COL9A1: variants seen among roughly 807,000 people sequenced by gnomAD.
COL9A1 encodes collagen type IX alpha 1 chain, also known as collagen alpha-1(IX) chain.
COL9A1 carries 104 observed loss-of-function variants against 142.6 expected under a neutral mutation model. The ratio of observed to expected loss-of-function variants is 0.73; its 90% CI spans 0.62 to 0.86. The LOEUF (loss-of-function observed/expected upper bound fraction) is 0.86, where lower values mean the gene tolerates loss of function less well. COL9A1 is among the 40% of genes least tolerant of loss of function. COL9A1 has a pLI of 0.00. For synonymous variants in COL9A1, 466 were observed against 396.0 expected, an observed-to-expected ratio of 1.18 and a Z score of -2.10; for missense variants, 1,210 against 1,176.6, an observed-to-expected ratio of 1.03 and a Z score of -0.42.
intron 2 of COL9A1, among the ~76,000 whole-genome samples, chr6:70,301,106 A>G (rs965303963): frequency 6.6e-6 from 1 of 152,214 alleles, no homozygotes; most frequent in African/African-American, 2.4e-5. Flanking sequence ...TTAAATCCTC[A>G]ATTTGATAAG....
chr6:70,239,363 T>C (rs1475441916), intron 32 of COL9A1, 77 bp from the exon 33 acceptor site: 5 of 1,014,584 alleles, frequency 4.9e-6, no homozygotes, highest in African/African-American at 1.6e-5. Context: ...TTAAAAGTTA[T>C]TGTGCTACTA....
chr6:70,251,093 C>G (rs1770907271), intron 28 of COL9A1, among the ~76,000 whole-genome samples: 2 of 152,170 alleles, frequency 1.3e-5, no homozygotes, highest in Admixed American at 1.3e-4. Flanking sequence ...ATGTCCATCA[C>G]CCAATGCATG....
intron 10 of COL9A1, among the ~76,000 whole-genome samples, chr6:70,277,404 A>G (rs965030144): frequency 6.6e-5 from 10 of 152,142 alleles, no homozygotes; most frequent in Non-Finnish European, 1.0e-4. Flanking sequence ...TATACAGACC[A>G]CACACATAAT....
intron 36 of COL9A1, among the ~76,000 whole-genome samples, chr6:70,228,297 T>G (rs1486568764): frequency 6.6e-6 from 1 of 152,084 alleles, no homozygotes; most frequent in Non-Finnish European, 1.5e-5. Context: ...TTGCATTAAT[T>G]ATCCCAGCCC....
rs562846077 is a variant in COL9A1, at chr6:70,279,025, T to C, written c.975+1787A>G. The stretch of plus-strand genomic sequence containing the variant: ...GCAAGACAAGGATTCAGATGACCCA[T>C]TTACGCTTCAAATACCAAAATAAAT... On this transcript the variant is annotated intron_variant, in intron 10 of 37. Coordinates refer to ENST00000357250, the MANE Select transcript of COL9A1 (RefSeq NM_001851.6). Among the ~76,000 whole-genome samples, 18 of 152,324 alleles carry C rather than the reference T, an allele frequency of 1.2e-4. No homozygotes were observed. In the South Asian group the frequency reaches 3.3e-3, roughly 28 times the overall value.
In COL9A1 at chr6:70,282,795, C is replaced by T; in HGVS notation, c.801+103G>A. Reference sequence around the variant, plus strand: ...TGGAGGAAGCGCGGGTCTGAGAGCCCTGGGGATGCTCCGCGCCTTTCTCAC... The same window carrying T: ...TGGAGGAAGCGCGGGTCTGAGAGCCTTGGGGATGCTCCGCGCCTTTCTCAC... On this transcript the variant is annotated intron_variant, in intron 7 of 37. Transcript: ENST00000357250. 4.5e-6 allele frequency: 7 copies of T among 1,564,102 alleles called. No homozygotes were observed. In the South Asian group the frequency reaches 7.9e-5, roughly 18 times the overall value.
chr6:70,272,965 G>T (rs1772505092), intron 12 of COL9A1, among the ~76,000 whole-genome samples: 1 of 152,030 alleles, frequency 6.6e-6, no homozygotes, highest in Non-Finnish European at 1.5e-5. Flanking sequence ...GGTTAGAATG[G>T]TTTTTATTCA....
At chr6:70,232,446 C>G in intron 36 of COL9A1, 137 bp downstream of exon 36, 1 of 1,021,410 alleles carries the variant, frequency 9.8e-7, no homozygotes, top group Non-Finnish European at 1.5e-6. Context: ...TTCACCGTCA[C>G]TATTGAAAAG....
intron 28 of COL9A1, among the ~76,000 whole-genome samples, chr6:70,248,675 G>A (rs1205494674): frequency 6.6e-6 from 1 of 152,154 alleles, no homozygotes; most frequent in Non-Finnish European, 1.5e-5. Flanking sequence ...CAGGTGAGAA[G>A]TCAGTTATTA....
chr6:70,217,799 C>T (rs1450045887), intron 37 of COL9A1, among the ~76,000 whole-genome samples: 1 of 152,170 alleles, frequency 6.6e-6, no homozygotes, highest in Non-Finnish European at 1.5e-5. Flanking sequence ...TAGCAAGTCA[C>T]TAATCTCTCA....
At chr6:70,227,112 G>A (rs1284337670) in intron 36 of COL9A1, among the ~76,000 whole-genome samples, 4 of 152,040 alleles carry the variant, frequency 2.6e-5, no homozygotes, top group African/African-American at 9.7e-5. Flanking sequence ...GAAGTGGGTA[G>A]TCAACTGGAA....
At chr6:70,229,641 A>G (rs1769429668) in intron 36 of COL9A1, among the ~76,000 whole-genome samples, 1 of 152,166 alleles carries the variant, frequency 6.6e-6, no homozygotes, top group Admixed American at 6.5e-5. Context: ...ATACAGCCTT[A>G]CTCAAAGGGA....
intron 18 of COL9A1, among the ~76,000 whole-genome samples, chr6:70,265,655 T>C (rs1192974424): frequency 6.6e-6 from 1 of 152,102 alleles, no homozygotes; most frequent in Non-Finnish European, 1.5e-5. Flanking sequence ...TTGGGTTTTT[T>C]TCCTATTTTC....
At chr6:70,235,869 C>CT (rs905946489) in intron 33 of COL9A1, among the ~76,000 whole-genome samples, 1 of 152,034 alleles carries the variant, frequency 6.6e-6, no homozygotes, top group African/African-American at 2.4e-5. Flanking sequence ...AATCCCAGCA[C>CT]TTTGGGAGGC....
At chr6:70,223,395 A>G (rs1383938061) in intron 37 of COL9A1, among the ~76,000 whole-genome samples, 2 of 152,344 alleles carry the variant, frequency 1.3e-5, no homozygotes, top group South Asian at 2.1e-4. Context: ...TGTTTTATAA[A>G]TGGGAAAACT....
chr6:70,254,791 T>C (rs1437459835), intron 24 of COL9A1, 172 bp downstream of exon 24: 2 of 725,342 alleles, frequency 2.8e-6, no homozygotes, highest in East Asian at 2.7e-5. Context: ...CAAATAATTA[T>C]ACTATTCTAG....
chr6:70,267,945 C>A lies in COL9A1; in HGVS notation c.1287+859G>T, dbSNP rs570071090. ...GGGCCTTTCAGATCACAGCAGAGCT[C>A]CATTGGTCTGGAATGTCCCAAAATC... is the stretch of plus-strand genomic sequence containing the variant. On this transcript the variant is annotated intron_variant, in intron 17 of 37. Coordinates refer to ENST00000357250, the MANE Select transcript of COL9A1 (RefSeq NM_001851.6). Among the ~76,000 whole-genome samples the A allele has an allele frequency of 8.5e-4, 129 of 152,256 alleles. 1 individual carries two copies. The highest frequency in any genetic ancestry group is 3.0e-3 in the African/African-American group (123 of 41,550).
At chr6:70,292,113 G>A (rs1773684461) in intron 5 of COL9A1, among the ~76,000 whole-genome samples, 1 of 152,186 alleles carries the variant, frequency 6.6e-6, no homozygotes, top group African/African-American at 2.4e-5. Flanking sequence ...ACATTTTGGT[G>A]AGAAGTTTGA....
chr6:70,265,210 G>A (rs562183609), intron 18 of COL9A1, among the ~76,000 whole-genome samples: 71 of 152,134 alleles, frequency 4.7e-4, no homozygotes, highest in African/African-American at 1.7e-3. Flanking sequence ...ATATTAAAAA[G>A]ACTACTTTCA....
Sources: allele counts gnomAD v4.1 joint callset (sites outside exome capture counted in the v4.1 genomes callset), GRCh38; gene constraint gnomAD v4.1.1; transcripts MANE v1.5; gene names NCBI Gene and HGNC (gene_info 2026-07-23, HGNC 2026-07-21).